Variants in FGF14 observed in about 807,000 individuals in gnomAD.
The protein encoded by FGF14 is fibroblast growth factor 14, also known as fibroblast growth factor homologous factor 4.
Under a neutral mutation model 25.5 loss-of-function variants are expected in FGF14, and 5 were observed. The observed-to-expected ratio is 0.20, with a 90% CI of 0.10 to 0.41. FGF14 has a LOEUF of 0.41. Among genes scored for constraint, FGF14 ranks in the 10% least tolerant of loss-of-function variants. The probability of loss-of-function intolerance (pLI) is 1.00; values close to 1 mark genes in which losing one functional copy is unlikely to be tolerated. For synonymous variants in FGF14, 138 were observed against 118.3 expected (o/e 1.17, Z -1.08); for missense variants, 222 against 320.1 (o/e 0.69, Z 2.34).
At chr13:101,763,418 T>A (rs1042008788) in intron 3 of FGF14, among the ~76,000 whole-genome samples, 1 of 152,200 alleles carries the variant, frequency 6.6e-6, no homozygotes, top group Non-Finnish European at 1.5e-5. Flanking sequence ...ACCTAGTTCT[T>A]TTTTTCCTAA....
intron 1 of FGF14, among the ~76,000 whole-genome samples, chr13:102,349,408 C>G (rs138193477): frequency 1.3e-5 from 2 of 152,184 alleles, no homozygotes; most frequent in African/African-American, 4.8e-5. Context: ...ACCCTCTCAG[C>G]TACATTCTCC....
chr13:101,724,600 AT>A (rs1950371306), intron 4 of FGF14, among the ~76,000 whole-genome samples: 1 of 5,430 alleles, frequency 1.8e-4, no homozygotes, highest in Admixed American at 2.8e-3. Flanking sequence ...ATAATAAAAT[AT>A]ATATATATAT....
intron 1 of FGF14, among the ~76,000 whole-genome samples, chr13:102,356,289 T>G (rs1455173103): frequency 6.6e-6 from 1 of 152,262 alleles, no homozygotes; most frequent in African/African-American, 2.4e-5. Flanking sequence ...AGCAAAACTT[T>G]TTAAAACGCA....
chr13:101,815,861 A>T (rs2041817840), intron 3 of FGF14, among the ~76,000 whole-genome samples: 1 of 152,184 alleles, frequency 6.6e-6, no homozygotes, highest in African/African-American at 2.4e-5. Context: ...CAGGTGGGTG[A>T]TGGGTATAAG....
chr13:102,162,785 C>T (rs550141858), intron 1 of FGF14, among the ~76,000 whole-genome samples: 3 of 152,202 alleles, frequency 2.0e-5, no homozygotes, highest in Admixed American at 6.5e-5. Context: ...GAAAATGTAC[C>T]CCAGCCTTGT....
upstream of FGF14, among the ~76,000 whole-genome samples, chr13:101,917,379 TAATA>T (rs1027191877): frequency 6.6e-6 from 1 of 150,882 alleles, no homozygotes; most frequent in African/African-American, 2.4e-5. Flanking sequence ...GATTTAAAAA[TAATA>T]AGAAAGAAAG....
chr13:101,747,730 A>G (rs1159018024), intron 3 of FGF14, among the ~76,000 whole-genome samples: 1 of 152,110 alleles, frequency 6.6e-6, no homozygotes, highest in East Asian at 1.9e-4. Context: ...TATGCATCCA[A>G]CAAAAGATTA....
At chr13:101,874,441 T>G (rs1375079312) in intron 2 of FGF14, among the ~76,000 whole-genome samples, 4 of 152,154 alleles carry the variant, frequency 2.6e-5, no homozygotes, top group African/African-American at 4.8e-5. Flanking sequence ...AAAGTGTGCT[T>G]ATTTTGGAAC....
intron 3 of FGF14, among the ~76,000 whole-genome samples, chr13:101,728,169 T>C (rs938902636): frequency 7.9e-5 from 12 of 152,166 alleles, no homozygotes; most frequent in Non-Finnish European, 1.3e-4. Context: ...TTCAGTGTGC[T>C]GAATAACTTT....
chr13:102,202,403 C>T (rs1028084083), intron 1 of FGF14, among the ~76,000 whole-genome samples: 6 of 152,168 alleles, frequency 3.9e-5, no homozygotes, highest in African/African-American at 1.4e-4. Context: ...AAAAAGGAGA[C>T]CCATGAGCAG....
At chr13:102,142,805 T>C (rs1331353403) in intron 1 of FGF14, among the ~76,000 whole-genome samples, 4 of 152,178 alleles carry the variant, frequency 2.6e-5, no homozygotes, top group Non-Finnish European at 5.9e-5. Flanking sequence ...TTTATTAAAA[T>C]TTCTCTAAAA....
chr13:102,172,018 C>T (rs2048270785), intron 1 of FGF14, among the ~76,000 whole-genome samples: 1 of 149,872 alleles, frequency 6.7e-6, no homozygotes, highest in African/African-American at 2.5e-5. Flanking sequence ...TTAGTAGGGA[C>T]GGAGTCTCAC....
intron 1 of FGF14, among the ~76,000 whole-genome samples, chr13:102,073,170 TGAACCCAG>T (rs778570856): frequency 1.1e-4 from 17 of 152,328 alleles, no homozygotes; most frequent in Non-Finnish European, 1.8e-4. Context: ...GAGAATCATT[TGAACCCAG>T]GAGGCAGGGG....
chr13:102,306,165 T>C lies in FGF14; in HGVS notation c.208+95306A>G, dbSNP rs116270573. On this transcript the variant is annotated intron_variant, in intron 1 of 4. Coordinates refer to the FGF14 transcript ENST00000376131. ...TCTGGCCCCAAGTTTTGCATCCTGG[T>C]TTTGGCCAATAGATCACTACTGAGT... is the stretch of plus-strand genomic sequence containing the variant. Among the ~76,000 whole-genome samples the C allele has an allele frequency of 2.9e-3, 449 of 152,246 alleles. 3 individuals are homozygous for C. The highest frequency in any genetic ancestry group is 0.01 in the African/African-American group (433 of 41,550).
chr13:102,388,572 CCCA>C (rs1283342887), intron 1 of FGF14, among the ~76,000 whole-genome samples: 1 of 152,200 alleles, frequency 6.6e-6, no homozygotes, highest in Non-Finnish European at 1.5e-5. Flanking sequence ...CCCTTCCTGG[CCCA>C]CAATTTCTCA....
At chr13:102,191,734 C>A (rs1440461050) in intron 1 of FGF14, among the ~76,000 whole-genome samples, 3 of 152,124 alleles carry the variant, frequency 2.0e-5, no homozygotes, top group African/African-American at 7.2e-5. Flanking sequence ...TTCTAAAGTA[C>A]AAAGTCTCAT....
At chr13:101,916,190 C>T (rs2033461808) in intron 1 of FGF14, among the ~76,000 whole-genome samples, 1 of 152,200 alleles carries the variant, frequency 6.6e-6, no homozygotes, top group African/African-American at 2.4e-5. Context: ...TTTCCCAGAG[C>T]CCAGCCTGCA....
intron 3 of FGF14, among the ~76,000 whole-genome samples, chr13:101,792,795 C>T (rs977663650): frequency 6.6e-6 from 1 of 151,930 alleles, no homozygotes; most frequent in African/African-American, 2.4e-5. Context: ...AGCAAGGGGC[C>T]CTATAGTCCT....
intron 3 of FGF14, among the ~76,000 whole-genome samples, chr13:101,822,887 A>G (rs1238625080): frequency 6.6e-6 from 1 of 152,106 alleles, no homozygotes; most frequent in South Asian, 2.1e-4. Flanking sequence ...TTCTGTCCAC[A>G]ACTATCTTTC....
Sources: allele counts gnomAD v4.1 joint callset (sites outside exome capture counted in the v4.1 genomes callset), GRCh38; gene constraint gnomAD v4.1.1; transcripts MANE v1.5; gene names NCBI Gene and HGNC (gene_info 2026-07-23, HGNC 2026-07-21).